KHDRBS2: variants seen among roughly 807,000 people sequenced by gnomAD.
The protein encoded by KHDRBS2 is KH RNA binding domain containing, signal transduction associated 2, also known as KH domain-containing, RNA-binding, signal transduction-associated protein 2.
In KHDRBS2, 26 loss-of-function variants were observed where a neutral mutation model predicts 44.3. That is an observed-to-expected ratio of 0.59 (90% confidence interval 0.43 to 0.81). The LOEUF is 0.81. Ranked by LOEUF, KHDRBS2 falls within the 40% of genes least tolerant of loss-of-function variation. The pLI is 0.00. For missense variants in KHDRBS2, 476 were observed against 433.1 expected (o/e 1.10, Z -0.88); for synonymous variants, 194 against 151.1 (o/e 1.28, Z -2.08).
intron 1 of KHDRBS2, among the ~76,000 whole-genome samples, chr6:62,212,433 T>G (rs549661170): frequency 1.3e-5 from 2 of 151,742 alleles, no homozygotes; most frequent in African/African-American, 4.8e-5. Context: ...GGTTGAATTG[T>G]GTTCCCCCTG....
chr6:61,954,811 C>T (rs201986179), intron 4 of KHDRBS2, among the ~76,000 whole-genome samples: 17,151 of 49,018 alleles, frequency 0.35, 6,385 homozygotes, highest in African/African-American at 0.56. Context: ...TGTATACATA[C>T]GCATGTGTAT....
the KHDRBS2 span, among the ~76,000 whole-genome samples, chr6:61,660,960 T>TA: frequency 5.9e-5 from 9 of 151,804 alleles, no homozygotes; most frequent in Admixed American, 1.3e-4. Context: ...ACAAAATATA[T>TA]TTTTTTATTA....
chr6:62,264,007 G>A (rs565421684), intron 1 of KHDRBS2, among the ~76,000 whole-genome samples: 7 of 151,728 alleles, frequency 4.6e-5, no homozygotes, highest in African/African-American at 1.4e-4. Context: ...TCAGGTACAC[G>A]GTTTTGCACA....
intron 3 of KHDRBS2, among the ~76,000 whole-genome samples, chr6:62,019,602 G>C (rs1250147285): frequency 3.9e-5 from 6 of 151,956 alleles, no homozygotes; most frequent in Admixed American, 3.3e-4. Context: ...AGGCTTCTTA[G>C]TACAAAATAT....
chr6:61,677,905 A>T (rs1054225492), downstream of KHDRBS2, among the ~76,000 whole-genome samples: 2 of 151,736 alleles, frequency 1.3e-5, no homozygotes, highest in Admixed American at 1.3e-4. Context: ...ACTCCACCTC[A>T]TATCTCTCTC....
At chr6:62,275,008 TACACACACACACACACACACAC>T (rs145870587) in intron 1 of KHDRBS2, among the ~76,000 whole-genome samples, 1 of 142,472 alleles carries the variant, frequency 7.0e-6, no homozygotes, top group East Asian at 2.1e-4. Flanking sequence ...GCTCATCAAA[TACACACACACACACACACACAC>T]ACACACACAC....
At chr6:62,161,211 T>C (rs1168373964) in intron 2 of KHDRBS2, among the ~76,000 whole-genome samples, 1 of 151,996 alleles carries the variant, frequency 6.6e-6, no homozygotes, top group Non-Finnish European at 1.5e-5. Flanking sequence ...AGCATATATT[T>C]GAATCACTTT....
At chr6:62,187,368 T>C (rs1354968907) in intron 1 of KHDRBS2, among the ~76,000 whole-genome samples, 1 of 152,110 alleles carries the variant, frequency 6.6e-6, no homozygotes, top group Non-Finnish European at 1.5e-5. Context: ...TAATTATTTA[T>C]TGAAGGCCTA....
chr6:61,681,351 A>G (rs1766271992), intron 8 of KHDRBS2, among the ~76,000 whole-genome samples: 1 of 151,892 alleles, frequency 6.6e-6, no homozygotes, highest in Admixed American at 6.6e-5. Context: ...AAATAAATAA[A>G]TTGGATATAG....
intron 7 of KHDRBS2, among the ~76,000 whole-genome samples, chr6:61,712,928 AG>A (rs1770766932): frequency 6.6e-6 from 1 of 151,872 alleles, no homozygotes; most frequent in South Asian, 2.1e-4. Context: ...CAAATCCAAA[AG>A]CTATAAAACC....
chr6:62,246,456 T>C (rs1835591828), intron 1 of KHDRBS2, among the ~76,000 whole-genome samples: 1 of 152,090 alleles, frequency 6.6e-6, no homozygotes, highest in Non-Finnish European at 1.5e-5. Flanking sequence ...GATTTACTTA[T>C]CATTTAGACA....
chr6:61,561,712 G>C, the KHDRBS2 span, among the ~76,000 whole-genome samples: 4 of 152,152 alleles, frequency 2.6e-5, no homozygotes, highest in African/African-American at 9.6e-5. Context: ...TGTGGTGAAT[G>C]CTGCCAGACT....
At chr6:61,960,122 A>T (rs1299005817) in intron 4 of KHDRBS2, among the ~76,000 whole-genome samples, 1 of 152,048 alleles carries the variant, frequency 6.6e-6, no homozygotes, top group African/African-American at 2.4e-5. Flanking sequence ...GCTCTCTGTG[A>T]TGATCCCCAG....
chr6:62,081,574 T>C (rs1797400345), intron 2 of KHDRBS2, among the ~76,000 whole-genome samples: 1 of 152,038 alleles, frequency 6.6e-6, no homozygotes, highest in African/African-American at 2.4e-5. Context: ...AAGAATAAAA[T>C]CAAGTTCTCT....
At chr6:62,127,042 T>C (rs1279131058) in intron 2 of KHDRBS2, among the ~76,000 whole-genome samples, 1 of 152,120 alleles carries the variant, frequency 6.6e-6, no homozygotes, top group Admixed American at 6.5e-5. Context: ...GGTAAGTAAA[T>C]AGAGGGTAAT....
At chr6:62,277,211 T>C (rs1841076425) in intron 1 of KHDRBS2, among the ~76,000 whole-genome samples, 1 of 152,078 alleles carries the variant, frequency 6.6e-6, no homozygotes, top group Admixed American at 6.6e-5. Flanking sequence ...TATGTATATA[T>C]ATAAATATCT....
At chr6:61,897,136 A>T (rs1376543517) in intron 5 of KHDRBS2, among the ~76,000 whole-genome samples, 1 of 152,116 alleles carries the variant, frequency 6.6e-6, no homozygotes, top group East Asian at 1.9e-4. Context: ...TTATATCAGA[A>T]GTTTCTTAAC....
chr6:61,827,569 C>A (rs1791099839), intron 6 of KHDRBS2, among the ~76,000 whole-genome samples: 1 of 152,114 alleles, frequency 6.6e-6, no homozygotes, highest in Non-Finnish European at 1.5e-5. Context: ...TTGGACAGCT[C>A]TCTGGGGTAT....
At chr6:61,927,385 T>C (rs1305977658) in intron 4 of KHDRBS2, among the ~76,000 whole-genome samples, 1 of 152,130 alleles carries the variant, frequency 6.6e-6, no homozygotes, top group Non-Finnish European at 1.5e-5. Context: ...AATTATCCTA[T>C]AAGACATATA....
Sources: gnomAD v4.1 joint callset for allele counts (sites outside exome capture counted in the v4.1 genomes callset) on GRCh38, gnomAD v4.1.1 for gene constraint, MANE v1.5 for transcripts, NCBI Gene and HGNC (gene_info 2026-07-23, HGNC 2026-07-21) for gene names.